The following NIPBL variants were observed in gnomAD, a reference collection of about 807,000 sequenced individuals.
The protein encoded by NIPBL is nipped-B-like protein.
NIPBL carries 19 observed loss-of-function variants against 321.8 expected under a neutral mutation model. The observed-to-expected ratio is 0.06, with a 90% CI of 0.04 to 0.09. The LOEUF (loss-of-function observed/expected upper bound fraction) is 0.09, where lower values mean the gene tolerates loss of function less well. Ranked by LOEUF, NIPBL falls within the 10% of genes least tolerant of loss-of-function variation. The probability of loss-of-function intolerance (pLI) is 1.00; values close to 1 mark genes in which losing one functional copy is unlikely to be tolerated. For synonymous variants in NIPBL, 1,106 were observed against 1,114.1 expected, an observed-to-expected ratio of 0.99 and a Z score of 0.14; for missense variants, 2,210 against 3,327.0, an observed-to-expected ratio of 0.66 and a Z score of 8.26.
At chr5:36,987,507 T>C (rs1744958806) in intron 10 of NIPBL, among the ~76,000 whole-genome samples, 2 of 152,342 alleles carry the variant, frequency 1.3e-5, no homozygotes, top group African/African-American at 4.8e-5. Flanking sequence ...TTATTGTTTT[T>C]CATAACATGC....
chr5:37,015,875 TAG>T (rs758699671), intron 22 of NIPBL, among the ~76,000 whole-genome samples, 161 bp from the exon 23 acceptor site: 15 of 152,300 alleles, frequency 9.8e-5, no homozygotes, highest in African/African-American at 3.6e-4. Flanking sequence ...GTTTGTGAAA[TAG>T]ACTCATTTTA....
At chr5:36,915,340 AG>A (rs996209352) in intron 1 of NIPBL, among the ~76,000 whole-genome samples, 3 of 152,166 alleles carry the variant, frequency 2.0e-5, no homozygotes, top group Non-Finnish European at 2.9e-5. Flanking sequence ...ATTTAATTTT[AG>A]GATGTTTATT....
intron 1 of NIPBL, among the ~76,000 whole-genome samples, chr5:36,913,385 C>CT (rs770339545): frequency 0.042 from 5,773 of 137,838 alleles, 204 homozygotes; most frequent in African/African-American, 0.099. Flanking sequence ...TTATTTCCTT[C>CT]TTTTTTTTTT....
At chr5:36,952,053 T>TGTGTGCGC (rs778597604) in intron 1 of NIPBL, among the ~76,000 whole-genome samples, 3,152 of 111,924 alleles carry the variant, frequency 0.028, 80 homozygotes, top group Non-Finnish European at 0.042. Context: ...TGTGTGTGTG[T>TGTGTGCGC]GCGCGCGCGC....
chr5:36,921,933 C>T (rs1259813827), intron 1 of NIPBL, among the ~76,000 whole-genome samples: 1 of 150,582 alleles, frequency 6.6e-6, no homozygotes, highest in Non-Finnish European at 1.5e-5. Flanking sequence ...GTCACCCAGG[C>T]TGGAGTTCAG....
intron 16 of NIPBL, among the ~76,000 whole-genome samples, chr5:37,004,479 A>C (rs1431270819): frequency 6.6e-6 from 1 of 151,162 alleles, no homozygotes; most frequent in Non-Finnish European, 1.5e-5. Context: ...GTCATAGCTC[A>C]TTGTAGTCTG....
intron 9 of NIPBL, among the ~76,000 whole-genome samples, chr5:36,981,695 T>A (rs1419187131): frequency 6.6e-6 from 1 of 151,520 alleles, no homozygotes; most frequent in Non-Finnish European, 1.5e-5. Flanking sequence ...AAAGAGGGGG[T>A]TCCTTTGTTC....
chr5:37,042,289 G>A lies in NIPBL; in HGVS notation c.6109-2058G>A, dbSNP rs74721184. Among the ~76,000 whole-genome samples the A allele has an allele frequency of 2.5e-3, 386 of 151,392 alleles. 4 individuals are homozygous for A. Among genetic ancestry groups the A allele is most frequent in the African/African-American group, 8.9e-3 (365 of 41,216 alleles). ...GTCTCTACTAAAAATACAAAAATTA[G>A]CCAAGCATGGTGGTGCGCACCTATA... On this transcript the variant is annotated intron_variant, in intron 34 of 46. Transcript: ENST00000282516.
intron 7 of NIPBL, 52 bp downstream of exon 7, chr5:36,971,088 A>G (rs764208195): frequency 6.8e-7 from 1 of 1,466,042 alleles, no homozygotes; most frequent in East Asian, 2.3e-5. Context: ...TATTTGTCAT[A>G]TAACCTAGTA....
intron 1 of NIPBL, among the ~76,000 whole-genome samples, chr5:36,932,783 T>TTTG (rs1290074936): frequency 1.4e-5 from 2 of 148,054 alleles, no homozygotes; most frequent in Admixed American, 6.7e-5. Context: ...CTGCTGTTTT[T>TTTG]TTTTTTTTTT....
At chr5:36,958,928 C>T (rs1346268055) in intron 4 of NIPBL, among the ~76,000 whole-genome samples, 3 of 152,152 alleles carry the variant, frequency 2.0e-5, no homozygotes, top group African/African-American at 7.2e-5. Context: ...TTTTATCAGC[C>T]GGGCATGGTG....
intron 1 of NIPBL, among the ~76,000 whole-genome samples, chr5:36,943,860 T>C (rs1478446365): frequency 1.4e-4 from 21 of 152,106 alleles, no homozygotes; most frequent in Admixed American, 1.4e-3. Context: ...GAGGAGAGAA[T>C]GATCAACTTT....
rs759822571 is a variant in NIPBL at position 37,003,253 on chromosome 5, T to A, written c.3769-8T>A. 8.8e-6 allele frequency: 13 copies of A among 1,480,896 alleles called. No individual in the cohort carries two copies. In the Admixed American group the frequency reaches 2.2e-4, roughly 25 times the overall value. 91.7% of individuals were successfully genotyped at this position (1,480,896 alleles called of 1,614,324 possible). A position where few individuals can be genotyped will look rare whatever the true frequency, so the allele number is the denominator to read the frequency against. ...ACGATTGATAAAGAATTTATATTGCTATTTTAGCTTTCAACTGACAAAACT... is the reference window on the plus strand; with the variant it reads ...ACGATTGATAAAGAATTTATATTGCAATTTTAGCTTTCAACTGACAAAACT... On this transcript the variant is annotated splice_region_variant and splice_polypyrimidine_tract_variant and intron_variant, in intron 15 of 46. Transcript: ENST00000282516.
At chr5:37,046,883 TTTG>T (rs933880049) in intron 38 of NIPBL, among the ~76,000 whole-genome samples, 1 of 152,154 alleles carries the variant, frequency 6.6e-6, no homozygotes, top group Non-Finnish European at 1.5e-5. Context: ...GTTTTTGGTT[TTTG>T]TTGTTGTTTT....
intron 1 of NIPBL, among the ~76,000 whole-genome samples, chr5:36,906,203 A>G (rs1309922178): frequency 1.3e-5 from 2 of 152,210 alleles, no homozygotes; most frequent in Non-Finnish European, 2.9e-5. Context: ...AATGAAGTAT[A>G]TAATCATTAT....
intron 24 of NIPBL, 91 bp downstream of exon 24, chr5:37,017,253 G>T: frequency 7.9e-7 from 1 of 1,266,818 alleles, no homozygotes; most frequent in Non-Finnish European, 1.1e-6. Flanking sequence ...ATTTTGTGTG[G>T]ATTCAAAATA....
chr5:37,017,111 T>C lies in NIPBL; in HGVS notation c.4869T>C (p.Asp1623=). Residue 1623 remains aspartate, a synonymous_variant, in exon 24 of 47, where the codon GAT becomes GAC. Coordinates refer to ENST00000282516, the MANE Select transcript of NIPBL (RefSeq NM_133433.4). ...CTGTTGCTGCACGGCTAAGAAAAGA[T>C]GCTGTTACAAGCAAAATGGATCAAG... ...LGTVAARLRK[D]AVTSKMDQGS... 2 of 1,613,056 alleles carry C rather than the reference T, an allele frequency of 1.2e-6. No homozygotes were observed. Among genetic ancestry groups the C allele is most frequent in the Non-Finnish European group, 1.7e-6 (2 of 1,179,324 alleles).
intron 10 of NIPBL, chr5:36,995,278 C>A (rs1580423974): frequency 4.9e-6 from 1 of 204,776 alleles, no homozygotes; most frequent in African/African-American, 2.4e-5. Flanking sequence ...GTACCTCTTA[C>A]CACAAATCCA....
intron 40 of NIPBL, among the ~76,000 whole-genome samples, chr5:37,050,355 A>G (rs904001487): frequency 6.6e-6 from 1 of 151,834 alleles, no homozygotes; most frequent in African/African-American, 2.4e-5. Context: ...TCCCAGCTAC[A>G]TGGGAGGCTG....
Sources: gnomAD v4.1 joint callset for allele counts (sites outside exome capture counted in the v4.1 genomes callset) on GRCh38, gnomAD v4.1.1 for gene constraint, MANE v1.5 for transcripts, NCBI Gene and HGNC (gene_info 2026-07-23, HGNC 2026-07-21) for gene names.